Variants in RPGRIP1 observed in about 807,000 individuals in gnomAD.
RPGRIP1 encodes the protein RPGR interacting protein 1, also known as X-linked retinitis pigmentosa GTPase regulator-interacting protein 1.
A neutral mutation model predicts 157.9 loss-of-function variants in RPGRIP1; 128 were observed. That is an observed-to-expected ratio of 0.81 (90% confidence interval 0.70 to 0.94). The LOEUF (loss-of-function observed/expected upper bound fraction) is 0.94. Among genes scored for constraint, RPGRIP1 ranks in the 40% least tolerant of loss-of-function variants. The probability of loss-of-function intolerance (pLI) is 0.00; values close to 1 mark genes in which losing one functional copy is unlikely to be tolerated. For synonymous variants in RPGRIP1, 554 were observed against 571.6 expected (o/e 0.97, Z 0.44); for missense variants, 1,486 against 1,545.8 (o/e 0.96, Z 0.65).
At chr14:21,345,816 T>C (rs1483103722) in intron 23 of RPGRIP1, among the ~76,000 whole-genome samples, 41 of 151,414 alleles carry the variant, frequency 2.7e-4, no homozygotes, top group Admixed American at 2.7e-3. Flanking sequence ...TAACAAAAAG[T>C]GTTGACATTC....
chr14:21,329,452 A>G (rs1883484322), intron 19 of RPGRIP1, among the ~76,000 whole-genome samples: 1 of 151,998 alleles, frequency 6.6e-6, no homozygotes, highest in Non-Finnish European at 1.5e-5. Context: ...TATGTACTCT[A>G]CAGTTTATGC....
At position 21,312,415 on chromosome 14, in the gene RPGRIP1, G is replaced by A. The variant is rs1860599093; in HGVS notation, c.1078-18G>A. 6.4e-7 allele frequency: 1 copy of A among 1,570,336 alleles called. No individual in the cohort carries two copies. ...ATAGATTTTAACATTTTATCTCAAG[G>A]GCTACTATCACTCTTAGTTTCAGGA... is the stretch of plus-strand genomic sequence containing the variant. On this transcript the variant is annotated intron_variant, in intron 9 of 24. Coordinates refer to ENST00000400017, the MANE Select transcript of RPGRIP1 (RefSeq NM_020366.4).
At chr14:21,345,218 T>C in intron 23 of RPGRIP1, 21 bp downstream of exon 23, 1 of 1,573,264 alleles carries the variant, frequency 6.4e-7, no homozygotes, top group Non-Finnish European at 8.7e-7. Flanking sequence ...GCTTTCCACT[T>C]TGAAACAAAG....
intron 24 of RPGRIP1, among the ~76,000 whole-genome samples, chr14:21,349,217 C>T (rs1885898921): frequency 6.6e-6 from 1 of 150,560 alleles, no homozygotes; most frequent in African/African-American, 2.4e-5. Flanking sequence ...ACTACAGGCA[C>T]CTGCCACCAC....
chr14:21,297,865 C>CTTTCTTTCTTTCT (rs1880858924), intron 3 of RPGRIP1, among the ~76,000 whole-genome samples: 1 of 150,680 alleles, frequency 6.6e-6, no homozygotes, highest in Non-Finnish European at 1.5e-5. Flanking sequence ...TTCTTTCTTT[C>CTTTCTTTCTTTCT]TTTCTTTCTT....
intron 1 of RPGRIP1, among the ~76,000 whole-genome samples, chr14:21,285,958 T>C (rs557211717): frequency 1.3e-5 from 2 of 151,972 alleles, no homozygotes; most frequent in African/African-American, 4.8e-5. Context: ...CACTTGAATT[T>C]TAGTGGCGGA....
intron 21 of RPGRIP1, among the ~76,000 whole-genome samples, chr14:21,336,919 C>A (rs1381795712): frequency 2.6e-5 from 4 of 152,036 alleles, no homozygotes; most frequent in African/African-American, 9.7e-5. Context: ...CCTTGTGTGC[C>A]CCAAAGTGTT....
chr14:21,310,764 A>C, intron 8 of RPGRIP1, 157 bp downstream of exon 8: 3 of 655,654 alleles, frequency 4.6e-6, no homozygotes, highest in Non-Finnish European at 8.4e-6. Flanking sequence ...TACTATTATG[A>C]TTATCAAAAG....
At chr14:21,323,998 C>T (rs747114412) in intron 14 of RPGRIP1, 2 of 156,690 alleles carry the variant, frequency 1.3e-5, no homozygotes, top group Non-Finnish European at 2.8e-5. Context: ...ATCTTTGCGT[C>T]CCACTGCCAA....
chr14:21,284,566 T>C (rs12590843), intron 1 of RPGRIP1, among the ~76,000 whole-genome samples: 24,840 of 133,350 alleles, frequency 0.19, 2,662 homozygotes, highest in East Asian at 0.31. Flanking sequence ...TTTTTGAAGA[T>C]GGAATCTCTC....
intron 10 of RPGRIP1, among the ~76,000 whole-genome samples, chr14:21,313,615 C>T (rs1192833971): frequency 6.6e-6 from 1 of 151,884 alleles, no homozygotes; most frequent in African/African-American, 2.4e-5. Flanking sequence ...TGATGAAGCC[C>T]TGTGTCTACT....
chr14:21,293,717 A>G (rs1566668026), intron 2 of RPGRIP1, among the ~76,000 whole-genome samples: 1 of 152,140 alleles, frequency 6.6e-6, no homozygotes, highest in Non-Finnish European at 1.5e-5. Flanking sequence ...TCTCTACTAA[A>G]AATACAAAAA....
At chr14:21,323,022 G>C (rs772137103) in intron 14 of RPGRIP1, among the ~76,000 whole-genome samples, 2 of 152,204 alleles carry the variant, frequency 1.3e-5, no homozygotes, top group Non-Finnish European at 2.9e-5. Context: ...TTTTACAATA[G>C]TGGCTATTCC....
At chr14:21,338,747 T>C (rs1331151981) in intron 21 of RPGRIP1, among the ~76,000 whole-genome samples, 1 of 152,258 alleles carries the variant, frequency 6.6e-6, no homozygotes, top group Admixed American at 6.5e-5. Context: ...CAAATTTTAA[T>C]CTTATTCATC....
intron 6 of RPGRIP1, among the ~76,000 whole-genome samples, chr14:21,304,411 G>GAA (rs1291224891): frequency 6.7e-6 from 1 of 149,146 alleles, no homozygotes; most frequent in Non-Finnish European, 1.5e-5. Flanking sequence ...AAGAAAGAAA[G>GAA]AAAGAAAGAA....
rs1214003738 is a variant in RPGRIP1 at position 21,294,797 on chromosome 14, A to T, written c.206A>T (p.Asp69Val). 2 of 1,403,862 alleles carry T rather than the reference A, an allele frequency of 1.4e-6. No individual in the cohort carries two copies. Among genetic ancestry groups the T allele is most frequent in the African/African-American group, 2.9e-5 (2 of 68,126 alleles). The allele number at this position is 1,403,862 out of a possible 1,614,324, so 87.0% of individuals were successfully genotyped here. The stretch of plus-strand genomic sequence containing the variant: ...AAGGAGCTTTCTTGGAAGCAACAGG[A>T]TGAGATCAAAAGGTACTTAGAGTTC... ...LVKELSWKQQ[D>V]EIKRLRTTLL... The change falls in exon 3 of 25, where the codon GAT becomes GTT. Residue 69 changes from aspartate (D) to valine (V), a missense_variant. By Grantham distance (152) the Asp-to-Val change is radical. Coordinates refer to ENST00000400017, the MANE Select transcript of RPGRIP1 (RefSeq NM_020366.4).
Position 21,317,812 on chromosome 14 carries a change from A to G in RPGRIP1, c.1268A>G (p.Asp423Gly). ...LQDQLDAELE[D>G]KRKVLLELSR... The stretch of plus-strand genomic sequence containing the variant: ...GATCAGCTGGATGCTGAGCTGGAGG[A>G]CAAGAGAAAAGTTTTACTTGAGCTG... Residue 423 changes from aspartate to glycine, a missense_variant, in exon 11 of 25, where the codon GAC becomes GGC. Transcript: ENST00000400017. 3 of 1,606,262 alleles carry G rather than the reference A, an allele frequency of 1.9e-6. No individual in the cohort carries two copies. Among genetic ancestry groups the G allele is most frequent in the Non-Finnish European group, 2.6e-6 (3 of 1,176,434 alleles).
At chr14:21,338,172 T>A (rs1281212368) in intron 21 of RPGRIP1, among the ~76,000 whole-genome samples, 1 of 152,208 alleles carries the variant, frequency 6.6e-6, no homozygotes, top group Non-Finnish European at 1.5e-5. Flanking sequence ...CGCCTCGGCC[T>A]CCCAAAGTGC....
chr14:21,306,284 C>G (rs936950673), intron 6 of RPGRIP1, among the ~76,000 whole-genome samples: 1 of 150,858 alleles, frequency 6.6e-6, no homozygotes, highest in African/African-American at 2.4e-5. Context: ...AGGCACCCAC[C>G]ACCACACCTG....
Sources: gnomAD v4.1 joint callset for allele counts (sites outside exome capture counted in the v4.1 genomes callset) on GRCh38, gnomAD v4.1.1 for gene constraint, MANE v1.5 for transcripts, NCBI Gene and HGNC (gene_info 2026-07-23, HGNC 2026-07-21) for gene names.